Variants in UBE2E2 observed in about 807,000 individuals in gnomAD.
UBE2E2 encodes ubiquitin-conjugating enzyme E2 E2.
UBE2E2 carries 6 observed loss-of-function variants against 24.7 expected under a neutral mutation model. The observed-to-expected ratio is 0.24, with a 90% CI of 0.13 to 0.48. The LOEUF (loss-of-function observed/expected upper bound fraction) is 0.48, where lower values mean the gene tolerates loss of function less well. Among genes scored for constraint, UBE2E2 ranks in the 20% least tolerant of loss-of-function variants. The pLI is 0.99. For missense variants in UBE2E2, 169 were observed against 245.0 expected, an observed-to-expected ratio of 0.69 and a Z score of 2.07; for synonymous variants, 104 against 83.6, an observed-to-expected ratio of 1.24 and a Z score of -1.33.
rs151284496 is a variant in UBE2E2 at position 23,283,334 on chromosome 3, G to C, written c.227+66022G>C. On this transcript the variant is annotated intron_variant, in intron 3 of 5. Coordinates refer to ENST00000396703, the MANE Select transcript of UBE2E2 (RefSeq NM_152653.4). ...AGCAAGGAGGGAAGACTTGAAGCGT[G>C]AACCCACTTACATATTACTCTAAAA... is the stretch of plus-strand genomic sequence containing the variant. 4.5e-4 allele frequency among the ~76,000 whole-genome samples: 68 copies of C among 152,236 alleles called. 1 individual carries two copies. The East Asian group carries it at 0.012, about 27-fold the overall frequency.
In UBE2E2 at chr3:23,351,819, G is replaced by C. The variant is rs187751669; in HGVS notation, c.227+134507G>C. On this transcript the variant is annotated intron_variant, in intron 3 of 5. Transcript: ENST00000396703. ...AACACCCCGCTGTCAACATTAGACA[G>C]ATCAACGAGACAGAAAGTTAACAAG... Among the ~76,000 whole-genome samples, 362 of 152,274 alleles carry C rather than the reference G, an allele frequency of 2.4e-3. 3 individuals carry two copies. Among genetic ancestry groups the C allele is most frequent in the African/African-American group, 8.3e-3 (346 of 41,552 alleles).
intron 3 of UBE2E2, among the ~76,000 whole-genome samples, chr3:23,430,490 CTAT>C (rs1438923817): frequency 6.6e-6 from 1 of 151,492 alleles, no homozygotes; most frequent in Non-Finnish European, 1.5e-5. Context: ...AATATGTTGG[CTAT>C]TATTCTTGGT....
chr3:23,281,511 C>T (rs1575529219), intron 3 of UBE2E2, among the ~76,000 whole-genome samples: 1 of 152,228 alleles, frequency 6.6e-6, no homozygotes, highest in African/African-American at 2.4e-5. Context: ...GTGGCATGTG[C>T]CTGTAGTCCC....
chr3:23,463,872 A>T (rs996466128), intron 3 of UBE2E2, among the ~76,000 whole-genome samples: 1 of 152,146 alleles, frequency 6.6e-6, no homozygotes, highest in Non-Finnish European at 1.5e-5. Context: ...TTCCACTCAA[A>T]GGAATTAGAG....
chr3:23,365,038 G>C (rs1696218288), intron 3 of UBE2E2, among the ~76,000 whole-genome samples: 1 of 152,006 alleles, frequency 6.6e-6, no homozygotes, highest in Non-Finnish European at 1.5e-5. Flanking sequence ...CCTCTAAATA[G>C]ATGCAGGAAA....
chr3:23,409,380 T>C (rs1697446623), intron 3 of UBE2E2, among the ~76,000 whole-genome samples: 1 of 152,158 alleles, frequency 6.6e-6, no homozygotes, highest in African/African-American at 2.4e-5. Flanking sequence ...AGTATTAATA[T>C]GATGTACAAA....
At chr3:23,372,470 A>T (rs1696422442) in intron 3 of UBE2E2, among the ~76,000 whole-genome samples, 1 of 152,214 alleles carries the variant, frequency 6.6e-6, no homozygotes, top group African/African-American at 2.4e-5. Flanking sequence ...AGTTGGTGTC[A>T]GCAGGGGGTT....
At chr3:23,356,496 C>G (rs1381766229) in intron 3 of UBE2E2, among the ~76,000 whole-genome samples, 1 of 152,162 alleles carries the variant, frequency 6.6e-6, no homozygotes, top group Non-Finnish European at 1.5e-5. Flanking sequence ...AGACAAATTT[C>G]TCACCTTCAT....
chr3:23,349,849 A>G (rs993544759), intron 3 of UBE2E2, among the ~76,000 whole-genome samples: 15 of 152,332 alleles, frequency 9.8e-5, no homozygotes, highest in African/African-American at 3.6e-4. Flanking sequence ...TGCAGACTTA[A>G]ATGTCCCTGT....
intron 4 of UBE2E2, among the ~76,000 whole-genome samples, chr3:23,510,267 A>G (rs548389545): frequency 1.3e-5 from 2 of 152,260 alleles, no homozygotes; most frequent in Non-Finnish European, 2.9e-5. Context: ...TCCTGCCAAA[A>G]ATAAGGAGAA....
rs79618463 is a variant in UBE2E2, at chr3:23,429,773, A to G, written c.228-69835A>G. Among the ~76,000 whole-genome samples, 105 of 152,358 alleles carry G rather than the reference A, an allele frequency of 6.9e-4. 1 individual carries two copies. In the East Asian group the frequency reaches 0.015, roughly 22 times the overall value. On this transcript the variant is annotated intron_variant, in intron 3 of 5. Transcript: ENST00000396703. Reference sequence around the variant, plus strand: ...TATGACCATTTATGTAGAAAACCGAAAAGAATCGACAAGAAACTTCTGGAA... The same window carrying G: ...TATGACCATTTATGTAGAAAACCGAGAAGAATCGACAAGAAACTTCTGGAA...
chr3:23,549,926 A>G (rs967058180), intron 5 of UBE2E2, among the ~76,000 whole-genome samples: 3 of 151,786 alleles, frequency 2.0e-5, no homozygotes, highest in African/African-American at 7.3e-5. Context: ...CCAGCTACTC[A>G]GGAGGCTAAG....
At chr3:23,314,388 C>T (rs1042651216) in intron 3 of UBE2E2, among the ~76,000 whole-genome samples, 9 of 152,102 alleles carry the variant, frequency 5.9e-5, no homozygotes, top group Non-Finnish European at 7.4e-5. Flanking sequence ...CCTCTACCTC[C>T]TAAAGTGTTG....
rs1698472365 is a variant in UBE2E2, at chr3:23,280,625, G to T, written c.227+63313G>T. 1.3e-5 allele frequency among the ~76,000 whole-genome samples: 2 copies of T among 152,158 alleles called. No individual in the cohort carries two copies. Among genetic ancestry groups the T allele is most frequent in the African/African-American group, 4.8e-5 (2 of 41,436 alleles). On this transcript the variant is annotated intron_variant, in intron 3 of 5. Coordinates refer to ENST00000396703, the MANE Select transcript of UBE2E2 (RefSeq NM_152653.4). This position sits in a 1 kb window ranked among gnomAD's most constrained non-coding sequence, Gnocchi z 4.3. Reference sequence around the variant, plus strand: ...CAGTTGTCTTACTCACTCAGAAATGGTGCCTTCTTTTGGTGGCATTTGCCA... The same window carrying T: ...CAGTTGTCTTACTCACTCAGAAATGTTGCCTTCTTTTGGTGGCATTTGCCA...
chr3:23,327,342 C>G (rs974333710), intron 3 of UBE2E2, among the ~76,000 whole-genome samples: 4 of 152,106 alleles, frequency 2.6e-5, no homozygotes, highest in Admixed American at 2.6e-4. Context: ...CCTGTTGTTT[C>G]CTGACTTTTT....
chr3:23,209,015 C>A, intron 2 of UBE2E2, 140 bp downstream of exon 2: 1 of 951,206 alleles, frequency 1.1e-6, no homozygotes, highest in Non-Finnish European at 1.5e-6. Flanking sequence ...AAGATGATCT[C>A]GTTTACATGG....
At chr3:23,584,819 G>T (rs1433179586) in intron 5 of UBE2E2, among the ~76,000 whole-genome samples, 1 of 143,236 alleles carries the variant, frequency 7.0e-6, no homozygotes, top group African/African-American at 2.6e-5. Context: ...CCATCCTCCT[G>T]CCTCAACCTC....
At chr3:23,406,007 T>C (rs1697347830) in intron 3 of UBE2E2, among the ~76,000 whole-genome samples, 1 of 152,192 alleles carries the variant, frequency 6.6e-6, no homozygotes, top group African/African-American at 2.4e-5. Flanking sequence ...TTTTTCTCCA[T>C]GAAGATCTTC....
intron 3 of UBE2E2, among the ~76,000 whole-genome samples, chr3:23,486,752 G>A (rs907507471): frequency 6.6e-6 from 1 of 152,188 alleles, no homozygotes; most frequent in Non-Finnish European, 1.5e-5. Context: ...TCTGAGTCTG[G>A]CTGAGTCTGG....
Sources: gnomAD v4.1 joint callset for allele counts (sites outside exome capture counted in the v4.1 genomes callset) on GRCh38, gnomAD v4.1.1 for gene constraint, Gnocchi (gnomAD v3.1) non-coding constraint, MANE v1.5 for transcripts, NCBI Gene and HGNC (gene_info 2026-07-23, HGNC 2026-07-21) for gene names.